The following SEMA6D variants were observed in gnomAD, a reference collection of about 807,000 sequenced individuals.
SEMA6D encodes the protein semaphorin 6D.
In SEMA6D, 35 loss-of-function variants were observed where a neutral mutation model predicts 106.6. That is an observed-to-expected ratio of 0.33 (90% confidence interval 0.25 to 0.44). SEMA6D has a LOEUF of 0.44. Ranked by LOEUF, SEMA6D falls within the 20% of genes least tolerant of loss-of-function variation. The pLI is 1.00. For missense variants in SEMA6D, 1,185 were observed against 1,345.9 expected (o/e 0.88, Z 1.87); for synonymous variants, 499 against 487.7 (o/e 1.02, Z -0.31).
chr15:47,609,732 G>A (rs1596439447), intron 4 of SEMA6D, among the ~76,000 whole-genome samples: 1 of 152,190 alleles, frequency 6.6e-6, no homozygotes, highest in East Asian at 1.9e-4. Context: ...CATGCAGGAA[G>A]TCCATAACTG....
intron 3 of SEMA6D, among the ~76,000 whole-genome samples, chr15:47,497,202 ATTCTAT>A (rs1406019183): frequency 2.6e-5 from 4 of 151,792 alleles, no homozygotes; most frequent in Non-Finnish European, 4.4e-5. Context: ...TCTGTGTTCG[ATTCTAT>A]TTCTTGCTGC....
At chr15:47,234,242 C>T (rs2141629785) in intron 1 of SEMA6D, among the ~76,000 whole-genome samples, 1 of 152,082 alleles carries the variant, frequency 6.6e-6, no homozygotes, top group South Asian at 2.1e-4. Flanking sequence ...CTCTGGCAGA[C>T]CTCTAGGCTC....
rs370392838 is a variant in SEMA6D, at chr15:47,561,071, C to A, written c.-86-39794C>A. On this transcript the variant is annotated intron_variant, in intron 3 of 19. Transcript: ENST00000558014. ...TAATACAAAACAGAAAAAAAAAAAA[C>A]AAGTTTTGAGGAAATAATGGTTTAA... 2.2e-4 allele frequency among the ~76,000 whole-genome samples: 31 copies of A among 143,204 alleles called. No homozygotes were observed. The South Asian group carries it at 2.9e-3, about 13-fold the overall frequency. The allele number at this position is 143,204 out of a possible 152,430, so 93.9% of individuals were successfully genotyped here.
chr15:47,761,519 C>A, intron 6 of SEMA6D, 88 bp downstream of exon 6: 1 of 1,305,522 alleles, frequency 7.7e-7, no homozygotes, highest in South Asian at 1.4e-5. Flanking sequence ...TTCTGCTTTC[C>A]AGTAATTTGT....
At chr15:47,335,753 G>T (rs138310653) in intron 1 of SEMA6D, among the ~76,000 whole-genome samples, 155 of 152,210 alleles carry the variant, frequency 1.0e-3, no homozygotes, top group Non-Finnish European at 1.9e-3. Flanking sequence ...AATAGGAAGA[G>T]AAAAAGGGGA....
At chr15:47,687,170 G>C (rs182518351) in intron 4 of SEMA6D, among the ~76,000 whole-genome samples, 1 of 152,046 alleles carries the variant, frequency 6.6e-6, no homozygotes, top group African/African-American at 2.4e-5. Context: ...GTTTTGTAGA[G>C]ATAAAATGAA....
chr15:47,423,684 A>G (rs542371053), intron 2 of SEMA6D, among the ~76,000 whole-genome samples: 8 of 152,182 alleles, frequency 5.3e-5, no homozygotes, highest in African/African-American at 1.9e-4. Flanking sequence ...GATGTACATG[A>G]AATATTCACC....
intron 1 of SEMA6D, among the ~76,000 whole-genome samples, chr15:47,370,242 C>T (rs543824591): frequency 6.6e-6 from 1 of 152,280 alleles, no homozygotes; most frequent in African/African-American, 2.4e-5. Flanking sequence ...GGGTAGTGAT[C>T]TGTGGTTCAC....
chr15:47,604,768 C>T (rs957177738), intron 4 of SEMA6D, among the ~76,000 whole-genome samples: 2 of 152,076 alleles, frequency 1.3e-5, no homozygotes, highest in African/African-American at 4.8e-5. Context: ...ATGATCTTGG[C>T]TCACTGCAAG....
At chr15:47,245,927 A>T (rs970545924) in intron 1 of SEMA6D, among the ~76,000 whole-genome samples, 2 of 152,068 alleles carry the variant, frequency 1.3e-5, no homozygotes, top group Non-Finnish European at 2.9e-5. Flanking sequence ...TCACAGAATT[A>T]AAAAAATCAT....
chr15:47,328,610 T>A (rs2037221738), intron 1 of SEMA6D, among the ~76,000 whole-genome samples: 1 of 152,166 alleles, frequency 6.6e-6, no homozygotes, highest in Non-Finnish European at 1.5e-5. Context: ...AGCCTGCAGT[T>A]CCTCTGACCA....
intron 4 of SEMA6D, among the ~76,000 whole-genome samples, chr15:47,605,001 C>T (rs1046857202): frequency 7.9e-5 from 12 of 152,098 alleles, no homozygotes; most frequent in African/African-American, 2.2e-4. Flanking sequence ...CCACTGCACC[C>T]GGCCTCACTG....
At chr15:47,654,329 C>T (rs981246833) in intron 4 of SEMA6D, among the ~76,000 whole-genome samples, 3 of 152,100 alleles carry the variant, frequency 2.0e-5, no homozygotes, top group African/African-American at 7.2e-5. Context: ...TTACCAATAT[C>T]CTATTGTGAC....
intron 3 of SEMA6D, among the ~76,000 whole-genome samples, chr15:47,518,503 G>A (rs557709403): frequency 3.9e-5 from 6 of 152,224 alleles, no homozygotes; most frequent in African/African-American, 1.2e-4. Flanking sequence ...AATCTAAATG[G>A]TATAGCCCAT....
At chr15:47,279,666 T>C (rs1489082202) in intron 1 of SEMA6D, among the ~76,000 whole-genome samples, 1 of 152,106 alleles carries the variant, frequency 6.6e-6, no homozygotes, top group Non-Finnish European at 1.5e-5. Flanking sequence ...TGTGGGTTTG[T>C]CATAGGTAGC....
chr15:47,297,536 G>A (rs1445034046), intron 1 of SEMA6D, among the ~76,000 whole-genome samples: 2 of 152,164 alleles, frequency 1.3e-5, no homozygotes, highest in Non-Finnish European at 2.9e-5. Context: ...CTTGAAGGAA[G>A]CATTTATTTA....
At chr15:47,366,335 G>C (rs970131323) in intron 1 of SEMA6D, among the ~76,000 whole-genome samples, 1 of 152,194 alleles carries the variant, frequency 6.6e-6, no homozygotes. Flanking sequence ...TTCTGGAGTT[G>C]TACAGTGTGA....
At chr15:47,454,225 A>T (rs554535132) in intron 2 of SEMA6D, among the ~76,000 whole-genome samples, 1 of 152,080 alleles carries the variant, frequency 6.6e-6, no homozygotes, top group East Asian at 1.9e-4. Flanking sequence ...ATACACCTAA[A>T]AATTTATGGT....
chr15:47,395,964 G>A (rs2040200094), intron 1 of SEMA6D, among the ~76,000 whole-genome samples: 1 of 152,148 alleles, frequency 6.6e-6, no homozygotes, highest in Non-Finnish European at 1.5e-5. Context: ...GCCTTTGAGA[G>A]GTAATAAGAA....
Sources: allele counts gnomAD v4.1 joint callset (sites outside exome capture counted in the v4.1 genomes callset), GRCh38; gene constraint gnomAD v4.1.1; transcripts MANE v1.5; gene names NCBI Gene and HGNC (gene_info 2026-07-23, HGNC 2026-07-21).